The following TRIM67 variants were observed in gnomAD, a reference collection of about 807,000 sequenced individuals.
TRIM67 encodes tripartite motif-containing protein 67.
TRIM67 carries 39 observed loss-of-function variants against 71.0 expected under a neutral mutation model. The observed-to-expected ratio is 0.55, with a 90% CI of 0.43 to 0.72. The LOEUF (loss-of-function observed/expected upper bound fraction) is 0.72. Among genes scored for constraint, TRIM67 ranks in the 30% least tolerant of loss-of-function variants. The probability of loss-of-function intolerance (pLI) is 0.00; values close to 1 mark genes in which losing one functional copy is unlikely to be tolerated. For synonymous variants in TRIM67, 481 were observed against 473.9 expected, an observed-to-expected ratio of 1.01 and a Z score of -0.19; for missense variants, 973 against 1,079.2, an observed-to-expected ratio of 0.90 and a Z score of 1.38.
intron 8 of TRIM67, 59 bp from the exon 9 acceptor site, chr1:231,213,756 T>TTATC (rs908580600): frequency 9.1e-5 from 136 of 1,500,378 alleles, no homozygotes; most frequent in Non-Finnish European, 1.1e-4. Flanking sequence ...TTCTCCTGAG[T>TTATC]TATCACCTAC....
chr1:231,219,484 G>A lies in TRIM67; in HGVS notation c.*4044G>A, dbSNP rs1684090423. On this transcript the variant is annotated 3_prime_UTR_variant, in exon 10 of 10. Transcript: ENST00000366653. Reference sequence around the variant, plus strand: ...CCTTTATCTTGATACCCAAGCCCAGGATTTTCCATGTGTCTTCAGGGGGCA... The same window carrying A: ...CCTTTATCTTGATACCCAAGCCCAGAATTTTCCATGTGTCTTCAGGGGGCA... The A allele has an allele frequency of 9.5e-7, 1 of 1,055,728 alleles. No homozygotes were observed. 65.4% of individuals were successfully genotyped at this position (1,055,728 alleles called of 1,614,324 possible). A position where few individuals can be genotyped will look rare whatever the true frequency, so the allele number is the denominator to read the frequency against.
rs1445903082 is a variant in TRIM67 at position 231,216,160 on chromosome 1, CTCT to C, written c.*727_*729del. 2.3e-5 allele frequency: 22 copies of C among 966,704 alleles called. No homozygotes were observed. The highest frequency in any genetic ancestry group is 1.1e-4 in the East Asian group (1 of 8,696). The allele number at this position is 966,704 out of a possible 1,614,324, so 59.9% of individuals were successfully genotyped here. On this transcript the variant is annotated 3_prime_UTR_variant, in exon 10 of 10. Transcript: ENST00000366653. Reference sequence around the variant, plus strand: ...CTTCTCCCTCCCTCCTTCTCTTTCTCTCTTCTTCTCTCTCTCCTTCCTTCCCTC... The same window carrying C: ...CTTCTCCCTCCCTCCTTCTCTTTCTCTCTTCTCTCTCTCCTTCCTTCCCTC...
chr1:231,210,522 C>T (rs1027591179), intron 8 of TRIM67, among the ~76,000 whole-genome samples: 1 of 151,234 alleles, frequency 6.6e-6, no homozygotes, highest in Non-Finnish European at 1.5e-5. Flanking sequence ...AGGCTGGCCA[C>T]TCTCCCTCCC....
intron 8 of TRIM67, among the ~76,000 whole-genome samples, chr1:231,210,449 G>GC (rs1683836436): frequency 6.6e-6 from 1 of 151,450 alleles, no homozygotes; most frequent in African/African-American, 2.4e-5. Flanking sequence ...TGTAGGCAGG[G>GC]CCCCTTCTCT....
chr1:231,200,646 A>C (rs1041249764), intron 4 of TRIM67, among the ~76,000 whole-genome samples: 3 of 152,154 alleles, frequency 2.0e-5, no homozygotes, highest in African/African-American at 7.2e-5. Context: ...CTGCCTACAG[A>C]CACAGTGCAA....
intron 8 of TRIM67, among the ~76,000 whole-genome samples, chr1:231,211,844 C>T (rs1416271859): frequency 6.6e-6 from 1 of 152,184 alleles, no homozygotes; most frequent in Non-Finnish European, 1.5e-5. Context: ...GAGGCTGAGG[C>T]AGGAGGATCC....
intron 1 of TRIM67, chr1:231,187,678 C>A (rs1221506627): frequency 1.9e-6 from 2 of 1,034,608 alleles, no homozygotes; most frequent in East Asian, 2.8e-5. Context: ...CATCAAACTG[C>A]AGGAGGCGGA....
chr1:231,179,270 C>T (rs558099510), intron 1 of TRIM67, among the ~76,000 whole-genome samples: 9 of 152,326 alleles, frequency 5.9e-5, no homozygotes, highest in African/African-American at 2.2e-4. Context: ...TGGCATTCTC[C>T]CTCTGTGCAT....
In TRIM67 at chr1:231,216,106, C is replaced by T; in HGVS notation, c.*666C>T. On this transcript the variant is annotated 3_prime_UTR_variant, in exon 10 of 10. Coordinates refer to ENST00000366653, the MANE Select transcript of TRIM67 (RefSeq NM_001004342.5). ...CCTTTATTAATCAGCCAATTGTGTT[C>T]TCTCTCTCTCTTCCTCCATCCTTCA... is the stretch of plus-strand genomic sequence containing the variant. The T allele has an allele frequency of 1.0e-6, 1 of 955,080 alleles. No homozygotes were observed. Among genetic ancestry groups the T allele is most frequent in the Non-Finnish European group, 1.2e-6 (1 of 802,698 alleles). 59.2% of individuals were successfully genotyped at this position (955,080 alleles called of 1,614,324 possible). A position where few individuals can be genotyped will look rare whatever the true frequency, so the allele number is the denominator to read the frequency against.
rs750771863 is a variant in TRIM67, at chr1:231,201,526, C to T, written c.1534+9C>T. ...TCAGATGAAATGTAGGGGTGAGCCG[C>T]GGTTGGCCCCAGTTCAGTCAGTGCT... On this transcript the variant is annotated intron_variant, in intron 5 of 9. Transcript: ENST00000366653. 13 of 1,612,540 alleles carry T rather than the reference C, an allele frequency of 8.1e-6. No homozygotes were observed. Among genetic ancestry groups the T allele is most frequent in the Admixed American group, 1.7e-5 (1 of 59,850 alleles).
intron 1 of TRIM67, among the ~76,000 whole-genome samples, chr1:231,190,537 C>T (rs935682077): frequency 1.3e-5 from 2 of 152,174 alleles, no homozygotes; most frequent in African/African-American, 4.8e-5. Context: ...TGGGGGGTCA[C>T]CTTCAGCCTG....
rs1361791559 is a variant in TRIM67, at chr1:231,209,219, T to G, written c.2092T>G (p.Trp698Gly). 1 of 1,579,852 alleles carries G rather than the reference T, an allele frequency of 6.3e-7. No homozygotes were observed. Among genetic ancestry groups the G allele is most frequent in the Non-Finnish European group, 8.6e-7 (1 of 1,158,148 alleles). Residue 698 changes from tryptophan to glycine, a missense_variant, in exon 8 of 10, where the codon TGG (tryptophan) becomes GGG (glycine). By Grantham distance (184) the Trp-to-Gly change is radical (BLOSUM62 -2). Around this residue, in one of 2 missense-constraint regions of TRIM67, gnomAD observed 178 missense variants for 247.9 expected, o/e 0.72. Coordinates refer to ENST00000366653, the MANE Select transcript of TRIM67 (RefSeq NM_001004342.5). This position sits in a 1 kb window ranked among gnomAD's most constrained non-coding sequence, Gnocchi z 4.1. ...CATGTATGTGGACAACAACCGCAGC[T>G]GGTTCATGCACTGCAACTCCCACAC... The part of the protein sequence containing the change: ...WAMYVDNNRS[W>G]FMHCNSHTNR...
At chr1:231,197,341 T>C in intron 1 of TRIM67, 30 bp from the exon 2 acceptor site, 3 of 1,604,186 alleles carry the variant, frequency 1.9e-6, no homozygotes, top group Non-Finnish European at 2.6e-6. Context: ...ACAACTAATT[T>C]TTCTTTTCAA....
rs116442151 is a variant in TRIM67, at chr1:231,217,866, G to A, written c.*2426G>A. On this transcript the variant is annotated 3_prime_UTR_variant, in exon 10 of 10. Coordinates refer to ENST00000366653, the MANE Select transcript of TRIM67 (RefSeq NM_001004342.5). Reference sequence around the variant, plus strand: ...GCAGGAGGGTAATGCCCTCAAATCCGGTGGCCTCTTTCAGAAAAAAGTTCC... The same window carrying A: ...GCAGGAGGGTAATGCCCTCAAATCCAGTGGCCTCTTTCAGAAAAAAGTTCC... 1.3e-5 allele frequency: 17 copies of A among 1,289,498 alleles called. No individual in the cohort carries two copies. The highest frequency in any genetic ancestry group is 1.3e-5 in the Non-Finnish European group (13 of 988,778). 79.9% of individuals were successfully genotyped at this position (1,289,498 alleles called of 1,614,324 possible).
At chr1:231,180,134 C>T (rs1369185128) in intron 1 of TRIM67, among the ~76,000 whole-genome samples, 1 of 152,066 alleles carries the variant, frequency 6.6e-6, no homozygotes, top group African/African-American at 2.4e-5. Context: ...CTTTGCTTTC[C>T]ACTGAATAAT....
At chr1:231,202,092 A>AAGGAGGAGG in intron 5 of TRIM67, among the ~76,000 whole-genome samples, 1 of 820 alleles carries the variant, frequency 1.2e-3, no homozygotes, top group African/African-American at 4.9e-3. Context: ...GGTGGCTAAG[A>AAGGAGGAGG]TAATGGAGGA....
rs1684009512 is a variant in TRIM67, at chr1:231,216,200, CT to C, written c.*763del. ...TCCTTCCTTCCCTCCTTTGCTCTCT[CT>C]TTCTTCCTTTCCTCCTTCTCTCTTA... On this transcript the variant is annotated 3_prime_UTR_variant, in exon 10 of 10. Transcript: ENST00000366653. The C allele has an allele frequency of 1.0e-6, 1 of 956,544 alleles. No individual in the cohort carries two copies. Among genetic ancestry groups the C allele is most frequent in the South Asian group, 4.8e-5 (1 of 20,666 alleles). The allele number at this position is 956,544 out of a possible 1,614,324, so 59.3% of individuals were successfully genotyped here.
In TRIM67 at chr1:231,216,104, TTC is replaced by T. The variant is rs1026807719; in HGVS notation, c.*676_*677del. 251 of 980,596 alleles carry T rather than the reference TTC, an allele frequency of 2.6e-4. No homozygotes were observed. The highest frequency in any genetic ancestry group is 1.6e-3 in the Middle Eastern group (3 of 1,914). The allele number at this position is 980,596 out of a possible 1,614,324, so 60.7% of individuals were successfully genotyped here. ...TTCCTTTATTAATCAGCCAATTGTG[TTC>T]TCTCTCTCTCTTCCTCCATCCTTCA... On this transcript the variant is annotated 3_prime_UTR_variant, in exon 10 of 10. Coordinates refer to ENST00000366653, the MANE Select transcript of TRIM67 (RefSeq NM_001004342.5).
In TRIM67 at chr1:231,163,921, T is replaced by A. The variant is rs1277852308; in HGVS notation, c.952T>A (p.Cys318Ser). The part of the protein sequence containing the change: ...MENYSMYCVS[C>S]RTPVCYLCLE... ...GAACTACAGCATGTACTGCGTGAGCTGTCGAACCCCGGTGTGTTATCTGTG... is the reference window on the plus strand; with the variant it reads ...GAACTACAGCATGTACTGCGTGAGCAGTCGAACCCCGGTGTGTTATCTGTG... The change falls in exon 1 of 10, where the codon TGT becomes AGT. Residue 318 changes from cysteine (C) to serine (S), a missense_variant. By Grantham distance (112) the Cys-to-Ser change is moderately radical. Coordinates refer to ENST00000366653, the MANE Select transcript of TRIM67 (RefSeq NM_001004342.5). 1 of 1,586,130 alleles carries A rather than the reference T, an allele frequency of 6.3e-7. No homozygotes were observed. Among genetic ancestry groups the A allele is most frequent in the Admixed American group, 1.8e-5 (1 of 56,252 alleles).
Sources: gnomAD v4.1 joint callset for allele counts (sites outside exome capture counted in the v4.1 genomes callset) on GRCh38, gnomAD v4.1.1 for gene constraint, gnomAD v4.1.1 regional missense constraint, Gnocchi (gnomAD v3.1) non-coding constraint, MANE v1.5 for transcripts, NCBI Gene and HGNC (gene_info 2026-07-23, HGNC 2026-07-21) for gene names.